Variants in EMILIN2 observed in about 807,000 individuals in gnomAD.
EMILIN2 encodes elastin microfibril interfacer 2, also known as EMILIN-2.
Under a neutral mutation model 87.1 loss-of-function variants are expected in EMILIN2, and 71 were observed. That is an observed-to-expected ratio of 0.82 (90% CI 0.67 to 0.99). EMILIN2 has a LOEUF of 0.99. EMILIN2 is among the 50% of genes least tolerant of loss of function. The pLI, the probability that EMILIN2 is intolerant of heterozygous loss-of-function variation, is 0.00. For missense variants in EMILIN2, 1,407 were observed against 1,371.8 expected (o/e 1.03, Z -0.40); for synonymous variants, 581 against 563.4 (o/e 1.03, Z -0.44).
At chr18:2,912,608 T>C (rs956666530) in intron 7 of EMILIN2, among the ~76,000 whole-genome samples, 3 of 152,176 alleles carry the variant, frequency 2.0e-5, no homozygotes. Flanking sequence ...GGTCATGGGC[T>C]GAGTATCAGT....
chr18:2,869,994 A>G (rs549241040), intron 2 of EMILIN2, among the ~76,000 whole-genome samples: 2 of 152,170 alleles, frequency 1.3e-5, no homozygotes, highest in African/African-American at 4.8e-5. Context: ...GTAACACGAC[A>G]CTTTGGGAGG....
intron 2 of EMILIN2, among the ~76,000 whole-genome samples, chr18:2,870,178 C>T (rs2076712669): frequency 6.6e-6 from 1 of 152,104 alleles, no homozygotes; most frequent in Non-Finnish European, 1.5e-5. Context: ...GAGGTTGAGG[C>T]TACAGTGAAC....
At chr18:2,881,609 A>T (rs1476313464) in intron 2 of EMILIN2, among the ~76,000 whole-genome samples, 2 of 152,352 alleles carry the variant, frequency 1.3e-5, no homozygotes, top group East Asian at 3.9e-4. Context: ...CAATGGGCAC[A>T]GGAGTGTGCT....
intron 5 of EMILIN2, 37 bp from the exon 6 acceptor site, chr18:2,908,906 G>A (rs2144074364): frequency 3.1e-6 from 5 of 1,613,696 alleles, no homozygotes; most frequent in Non-Finnish European, 4.2e-6. Flanking sequence ...GGTGCTTAGG[G>A]TCTTGTTTGA....
At position 2,906,884 on chromosome 18, in the gene EMILIN2, G is replaced by A; in HGVS notation, c.2461G>A (p.Gly821Arg). 1 of 1,392,882 alleles carries A rather than the reference G, an allele frequency of 7.2e-7. No homozygotes were observed. The highest frequency in any genetic ancestry group is 9.3e-7 in the Non-Finnish European group (1 of 1,071,720). 86.3% of individuals were successfully genotyped at this position (1,392,882 alleles called of 1,614,324 possible). A position where few individuals can be genotyped will look rare whatever the true frequency, so the allele number is the denominator to read the frequency against. Reference sequence around the variant, plus strand: ...CGGCCCCGCAACCGCAGAGGACCCTGGGCGACGGCCCGTCCTGCCCCAGCG... The same window carrying A: ...CGGCCCCGCAACCGCAGAGGACCCTAGGCGACGGCCCGTCCTGCCCCAGCG... ...PSGPATAEDP[G>R]RRPVLPQRPP... The change falls in exon 5 of 8, where the codon GGG becomes AGG. Residue 821 changes from glycine (G) to arginine (R), a missense_variant. Gly to Arg is a moderately radical substitution (Grantham distance 125). Coordinates refer to ENST00000254528, the MANE Select transcript of EMILIN2 (RefSeq NM_032048.3).
chr18:2,907,268 G>C (rs1001050367), intron 5 of EMILIN2, among the ~76,000 whole-genome samples, 183 bp downstream of exon 5: 1 of 152,236 alleles, frequency 6.6e-6, no homozygotes, highest in African/African-American at 2.4e-5. Context: ...GCACACGGAG[G>C]CCGGGGCACC....
intron 3 of EMILIN2, 145 bp downstream of exon 3, chr18:2,885,284 A>G (rs1054795483): frequency 2.3e-6 from 2 of 882,096 alleles, no homozygotes; most frequent in African/African-American, 3.4e-5. Context: ...CACATGTGAC[A>G]AATTTATTCT....
intron 4 of EMILIN2, among the ~76,000 whole-genome samples, chr18:2,898,231 C>G (rs545569456): frequency 6.6e-6 from 1 of 152,368 alleles, no homozygotes; most frequent in Middle Eastern, 3.4e-3. Flanking sequence ...GGGGTGTGTC[C>G]TGGCCACAGG....
intron 3 of EMILIN2, among the ~76,000 whole-genome samples, chr18:2,888,259 T>C (rs553612590): frequency 1.9e-4 from 29 of 152,322 alleles, no homozygotes; most frequent in African/African-American, 6.7e-4. Context: ...AATTATCCTT[T>C]GAAAAAAATG....
chr18:2,906,859 C>T lies in EMILIN2; in HGVS notation c.2436C>T (p.Ser812=), dbSNP rs1322418564. 4.4e-6 allele frequency: 6 copies of T among 1,360,360 alleles called. No individual in the cohort carries two copies. Among genetic ancestry groups the T allele is most frequent in the East Asian group, 3.1e-5 (1 of 31,876 alleles). The allele number at this position is 1,360,360 out of a possible 1,614,324, so 84.3% of individuals were successfully genotyped here. ...CCGAGCCCGCCCCGCCGAGGCCCAG[C>T]GGCCCCGCAACCGCAGAGGACCCTG... ...LQPEPAPPRP[S]GPATAEDPGR... Residue 812 remains serine, a synonymous_variant, in exon 5 of 8, where the codon AGC becomes AGT. Transcript: ENST00000254528.
At chr18:2,911,919 G>C (rs778020313) in intron 7 of EMILIN2, among the ~76,000 whole-genome samples, 12 of 140,614 alleles carry the variant, frequency 8.5e-5, no homozygotes, top group Non-Finnish European at 1.6e-4. Context: ...GGTACCTTAG[G>C]AAGCATCTGG....
intron 2 of EMILIN2, among the ~76,000 whole-genome samples, chr18:2,882,849 C>T (rs2076783667): frequency 6.6e-6 from 1 of 150,772 alleles, no homozygotes; most frequent in African/African-American, 2.4e-5. Context: ...CGCCATTGTA[C>T]TCCAGCCTGG....
Position 2,892,189 on chromosome 18 carries a change from T to G in EMILIN2, c.2062T>G (p.Cys688Gly), listed in dbSNP as rs2076841674. 2.5e-6 allele frequency: 4 copies of G among 1,607,042 alleles called. No individual in the cohort carries two copies. The highest frequency in any genetic ancestry group is 3.4e-6 in the Non-Finnish European group (4 of 1,175,500). The change falls in exon 4 of 8, where the codon TGT (cysteine) becomes GGT (glycine). Residue 688 changes from cysteine to glycine, a missense_variant. Coordinates refer to ENST00000254528, the MANE Select transcript of EMILIN2 (RefSeq NM_032048.3). ...QSQVISELDACKECTQGVQRE... is the reference protein window; with the variant it reads ...QSQVISELDAGKECTQGVQRE... ...CCAGGTCATCTCGGAGCTGGATGCT[T>G]GTAAGGAATGCACGCAGGGGGTCCA...
chr18:2,873,993 A>G (rs1434091889), intron 2 of EMILIN2, among the ~76,000 whole-genome samples: 3 of 152,182 alleles, frequency 2.0e-5, no homozygotes, highest in East Asian at 1.9e-4. Context: ...ACAAGCCTGC[A>G]TAAGCTGTGA....
chr18:2,892,464 G>T lies in EMILIN2; in HGVS notation c.2337G>T (p.Leu779=). The change falls in exon 4 of 8, where the codon CTG becomes CTT. Residue 779 remains leucine, a synonymous_variant. Transcript: ENST00000254528. The part of the protein sequence containing the change: ...VFQISTDLQD[L]VKFQPSAKAP... ...AGATTTCTACTGATTTGCAAGATCTGGTCAAATTTCAGCCATCAGCAAGTA... is the reference window on the plus strand; with the variant it reads ...AGATTTCTACTGATTTGCAAGATCTTGTCAAATTTCAGCCATCAGCAAGTA... The T allele has an allele frequency of 6.3e-7, 1 of 1,595,138 alleles. No homozygotes were observed. Among genetic ancestry groups the T allele is most frequent in the Non-Finnish European group, 8.6e-7 (1 of 1,166,734 alleles).
In EMILIN2 at chr18:2,913,399, C is replaced by G; in HGVS notation, c.3157C>G (p.Leu1053Val). 6.3e-7 allele frequency: 1 copy of G among 1,584,274 alleles called. No individual in the cohort carries two copies. The highest frequency in any genetic ancestry group is 8.6e-7 in the Non-Finnish European group (1 of 1,166,552). Reference sequence around the variant, plus strand: ...TTTCTTATATCCTTTCCTTTCCCACCTCTAAGGTGGCTGGGGAGATGTCAG... The same window carrying G: ...TTTCTTATATCCTTTCCTTTCCCACGTCTAAGGTGGCTGGGGAGATGTCAG... ...GVFLYPFLSHL is the reference protein window; with the variant it reads ...GVFLYPFLSHV The change falls in exon 8 of 8, where the codon CTC becomes GTC. Residue 1053 changes from leucine to valine, a missense_variant. By Grantham distance (32) the Leu-to-Val change is conservative. Coordinates refer to ENST00000254528, the MANE Select transcript of EMILIN2 (RefSeq NM_032048.3).
intron 2 of EMILIN2, among the ~76,000 whole-genome samples, chr18:2,877,243 G>T (rs1416302121): frequency 6.6e-6 from 1 of 152,062 alleles, no homozygotes; most frequent in East Asian, 1.9e-4. Context: ...AGATTCAAAT[G>T]GGAAATGTTT....
At chr18:2,901,905 G>A (rs2076889621) in intron 4 of EMILIN2, among the ~76,000 whole-genome samples, 1 of 152,206 alleles carries the variant, frequency 6.6e-6, no homozygotes, top group Admixed American at 6.5e-5. Flanking sequence ...TTTCATGACT[G>A]TCTCTGCTAT....
Position 2,880,038 on chromosome 18 carries a change from T to C in EMILIN2, c.258-4926T>C, listed in dbSNP as rs552069297. On this transcript the variant is annotated intron_variant, in intron 2 of 7. Transcript: ENST00000254528. The surrounding 1 kb of genome is among the most constrained non-coding windows in gnomAD (Gnocchi z 4.1). ...ATTAATTTTTAAAAATGGGATGTTA[T>C]AGTGAACAAAACCAACAGGAATTCT... 6.6e-6 allele frequency among the ~76,000 whole-genome samples: 1 copy of C among 152,130 alleles called. No individual in the cohort carries two copies. The highest frequency in any genetic ancestry group is 2.4e-5 in the African/African-American group (1 of 41,426).
Sources: allele counts gnomAD v4.1 joint callset (sites outside exome capture counted in the v4.1 genomes callset), GRCh38; gene constraint gnomAD v4.1.1; non-coding constraint Gnocchi (gnomAD v3.1); transcripts MANE v1.5; gene names NCBI Gene and HGNC (gene_info 2026-07-23, HGNC 2026-07-21).